Variants in PLPPR4 observed in about 807,000 individuals in gnomAD.
PLPPR4 encodes the protein phospholipid phosphatase-related protein type 4.
In PLPPR4, 24 loss-of-function variants were observed where a neutral mutation model predicts 56.6. The observed-to-expected ratio is 0.42, with a 90% CI of 0.31 to 0.60. PLPPR4 has a LOEUF of 0.60. Ranked by LOEUF, PLPPR4 falls within the 20% of genes least tolerant of loss-of-function variation. The probability of loss-of-function intolerance (pLI) is 0.13; values close to 1 mark genes in which losing one functional copy is unlikely to be tolerated. For missense variants in PLPPR4, 654 were observed against 885.8 expected, an observed-to-expected ratio of 0.74 and a Z score of 3.32; for synonymous variants, 326 against 328.1, an observed-to-expected ratio of 0.99 and a Z score of 0.07.
intron 2 of PLPPR4, among the ~76,000 whole-genome samples, chr1:99,291,244 T>C (rs1659613143): frequency 6.6e-6 from 1 of 152,136 alleles, no homozygotes; most frequent in South Asian, 2.1e-4. Context: ...TGACATACTA[T>C]CTCACACCAG....
rs1660041639 is a variant in PLPPR4, at chr1:99,306,768, G to A, written c.1906G>A (p.Asp636Asn). 1 of 1,614,020 alleles carries A rather than the reference G, an allele frequency of 6.2e-7. No homozygotes were observed. The highest frequency in any genetic ancestry group is 8.5e-7 in the Non-Finnish European group (1 of 1,179,972). ...TCTGAAAGACAGCTTTGGTTCTGGA[G>A]ATCGCAAGAGAAGCAACATTGATAG... is the stretch of plus-strand genomic sequence containing the variant. ...ESLKDSFGSG[D>N]RKRSNIDSNE... Residue 636 changes from aspartate to asparagine, a missense_variant, in exon 7 of 7, where the codon GAT (aspartate) becomes AAT (asparagine). Asp to Asn is a conservative substitution (Grantham distance 23). Coordinates refer to ENST00000370185, the MANE Select transcript of PLPPR4 (RefSeq NM_014839.5). The surrounding 1 kb of genome is among the most constrained non-coding windows in gnomAD (Gnocchi z 4.0).
chr1:99,276,361 G>A (rs936749012), intron 1 of PLPPR4, among the ~76,000 whole-genome samples: 1 of 152,004 alleles, frequency 6.6e-6, no homozygotes, highest in Admixed American at 6.6e-5. Flanking sequence ...ATACTAAAAA[G>A]TATTTGTTAA....
intron 1 of PLPPR4, among the ~76,000 whole-genome samples, chr1:99,282,312 C>CT (rs1230769195): frequency 2.0e-5 from 3 of 152,124 alleles, no homozygotes; most frequent in Non-Finnish European, 4.4e-5. Flanking sequence ...TATCAACAAT[C>CT]TGCCGATTTC....
rs566906104 is a variant in PLPPR4, at chr1:99,294,560, G to A, written c.265-2178G>A. Among the ~76,000 whole-genome samples, 3 of 152,154 alleles carry A rather than the reference G, an allele frequency of 2.0e-5. No homozygotes were observed. In the East Asian group the frequency reaches 5.8e-4, roughly 29 times the overall value. Reference sequence around the variant, plus strand: ...AAAATACAAAAATCAGCCAACCTTGGTGGTGCATGCCTATATTCCCAGCTA... The same window carrying A: ...AAAATACAAAAATCAGCCAACCTTGATGGTGCATGCCTATATTCCCAGCTA... On this transcript the variant is annotated intron_variant, in intron 2 of 6. Coordinates refer to ENST00000370185, the MANE Select transcript of PLPPR4 (RefSeq NM_014839.5).
At chr1:99,303,628 T>C (rs148266279) in intron 6 of PLPPR4, among the ~76,000 whole-genome samples, 32 of 152,314 alleles carry the variant, frequency 2.1e-4, no homozygotes, top group African/African-American at 5.8e-4. Flanking sequence ...AATCATGTGG[T>C]CTTAGTGCCC....
intron 1 of PLPPR4, among the ~76,000 whole-genome samples, chr1:99,285,575 C>T (rs1402227163): frequency 6.6e-6 from 1 of 152,000 alleles, no homozygotes; most frequent in Non-Finnish European, 1.5e-5. Flanking sequence ...AAGCATCCAT[C>T]TGAAAAACAG....
At chr1:99,294,099 A>AT (rs35172707) in intron 2 of PLPPR4, among the ~76,000 whole-genome samples, 1 of 32,172 alleles carries the variant, frequency 3.1e-5, no homozygotes, top group African/African-American at 1.2e-4. Context: ...TGTGCCATTC[A>AT]AAAAAAAAAA....
At chr1:99,266,834 G>T (rs1658911839) in intron 1 of PLPPR4, among the ~76,000 whole-genome samples, 1 of 152,130 alleles carries the variant, frequency 6.6e-6, no homozygotes, top group Non-Finnish European at 1.5e-5. Flanking sequence ...ATTATTTAAG[G>T]GTTTGACCAC....
chr1:99,305,643 T>A (rs1660002752), intron 6 of PLPPR4, 42 bp from the exon 7 acceptor site: 2 of 1,575,264 alleles, frequency 1.3e-6, no homozygotes, highest in Non-Finnish European at 1.7e-6. Context: ...CTAGTGACTG[T>A]CTTCTAGTGC....
chr1:99,304,808 C>G (rs1236632949), intron 6 of PLPPR4, among the ~76,000 whole-genome samples: 1 of 152,242 alleles, frequency 6.6e-6, no homozygotes. Flanking sequence ...AAACAGGTGT[C>G]TGCTGCTTGA....
intron 2 of PLPPR4, among the ~76,000 whole-genome samples, chr1:99,288,625 A>G (rs1275590803): frequency 6.6e-6 from 1 of 152,158 alleles, no homozygotes; most frequent in East Asian, 1.9e-4. Context: ...ATAAAGATAT[A>G]AAAACTCATT....
At chr1:99,276,129 A>T (rs936783719) in intron 1 of PLPPR4, among the ~76,000 whole-genome samples, 1 of 152,128 alleles carries the variant, frequency 6.6e-6, no homozygotes, top group African/African-American at 2.4e-5. Context: ...AACTTAAATA[A>T]CTAAGGCCTT....
rs1156889215 is a variant in PLPPR4, at chr1:99,264,605, G to A, written c.12G>A (p.Lys4=). 5 of 1,550,732 alleles carry A rather than the reference G, an allele frequency of 3.2e-6. No homozygotes were observed. The highest frequency in any genetic ancestry group is 2.7e-5 in the African/African-American group (2 of 73,072). The change falls in exon 1 of 7, where the codon AAG becomes AAA. Residue 4 remains lysine (K), a synonymous_variant. Transcript: ENST00000370185. The part of the protein sequence containing the change: MSA[K]ERPKGKVIKD... ...GGCAGGCGGCAGGGATGTCGGCGAA[G>A]GAGAGGCCAAAGGGCAAAGTGATCA...
At chr1:99,293,071 G>C (rs1659662855) in intron 2 of PLPPR4, among the ~76,000 whole-genome samples, 1 of 152,136 alleles carries the variant, frequency 6.6e-6, no homozygotes, top group African/African-American at 2.4e-5. Context: ...TCTCCGTTTG[G>C]GAATGAGTGT....
chr1:99,296,997 A>G lies in PLPPR4; in HGVS notation c.394+130A>G, dbSNP rs1483194449. 3 of 988,922 alleles carry G rather than the reference A, an allele frequency of 3.0e-6. No individual in the cohort carries two copies. The African/African-American group carries it at 5.0e-5, about 16-fold the overall frequency. The allele number at this position is 988,922 out of a possible 1,614,324, so 61.3% of individuals were successfully genotyped here. ...AATTTCAGTACATGATGAGTTTTATATTGTACAAGAAACTGTTAAAACACC... is the reference window on the plus strand; with the variant it reads ...AATTTCAGTACATGATGAGTTTTATGTTGTACAAGAAACTGTTAAAACACC... On this transcript the variant is annotated intron_variant, in intron 3 of 6. Coordinates refer to ENST00000370185, the MANE Select transcript of PLPPR4 (RefSeq NM_014839.5).
rs776709541 is a variant in PLPPR4 at position 99,264,507 on chromosome 1, C to T, written c.-87C>T. ...GGAATGTGACATCAGCGGCGCCGGG[C>T]GCTTGGGGCTGGAGGAGGCAGCTCG... On this transcript the variant is annotated 5_prime_UTR_variant, in exon 1 of 7. Transcript: ENST00000370185. 1 of 1,543,272 alleles carries T rather than the reference C, an allele frequency of 6.5e-7. No individual in the cohort carries two copies. The highest frequency in any genetic ancestry group is 2.0e-5 in the Admixed American group (1 of 49,190).
rs1245636956 is a variant in PLPPR4 at position 99,305,060 on chromosome 1, C to A, written c.823-625C>A. ...CAAATAGTATTTCCCAATTTATGACCAAGTTTAAATCAGGAAAGAATCTAG... is the reference window on the plus strand; with the variant it reads ...CAAATAGTATTTCCCAATTTATGACAAAGTTTAAATCAGGAAAGAATCTAG... On this transcript the variant is annotated intron_variant, in intron 6 of 6. Transcript: ENST00000370185. Among the ~76,000 whole-genome samples, 7 of 151,950 alleles carry A rather than the reference C, an allele frequency of 4.6e-5. No individual in the cohort carries two copies. The East Asian group carries it at 1.2e-3, about 25-fold the overall frequency.
At chr1:99,277,939 A>G (rs796472992) in intron 1 of PLPPR4, among the ~76,000 whole-genome samples, 7 of 152,256 alleles carry the variant, frequency 4.6e-5, no homozygotes, top group African/African-American at 1.7e-4. Flanking sequence ...TGTGCTTTCT[A>G]TGTGTGAATA....
At chr1:99,275,057 G>A (rs1042878455) in intron 1 of PLPPR4, among the ~76,000 whole-genome samples, 1 of 151,962 alleles carries the variant, frequency 6.6e-6, no homozygotes, top group Non-Finnish European at 1.5e-5. Context: ...GAATTAACAG[G>A]TTACTTATCC....
Sources: gnomAD v4.1 joint callset for allele counts (sites outside exome capture counted in the v4.1 genomes callset) on GRCh38, gnomAD v4.1.1 for gene constraint, Gnocchi (gnomAD v3.1) non-coding constraint, MANE v1.5 for transcripts, NCBI Gene and HGNC (gene_info 2026-07-23, HGNC 2026-07-21) for gene names.